Variants in KLF8 observed in about 807,000 individuals in gnomAD.
KLF8 encodes the protein Krueppel-like factor 8.
KLF8 carries 10 observed loss-of-function variants against 18.2 expected under a neutral mutation model. The observed-to-expected ratio is 0.55, with a 90% confidence interval of 0.34 to 0.93. The LOEUF is 0.93. KLF8 is among the 40% of genes least tolerant of loss of function. The pLI, the probability that KLF8 is intolerant of heterozygous loss-of-function variation, is 0.02. For missense variants in KLF8, 264 were observed against 277.9 expected (o/e 0.95, Z 0.36); for synonymous variants, 109 against 97.3 (o/e 1.12, Z -0.71).
the KLF8 span, among the ~76,000 whole-genome samples, chrX:56,083,019 G>A: frequency 9.0e-6 from 1 of 111,700 alleles, no homozygotes; most frequent in Non-Finnish European, 1.9e-5. Flanking sequence ...TTCTCCATCA[G>A]TTTAACTTAT....
At chrX:55,942,931 C>T in the KLF8 span, among the ~76,000 whole-genome samples, 2 of 111,472 alleles carry the variant, frequency 1.8e-5, no homozygotes, top group South Asian at 7.5e-4. Flanking sequence ...AGCATATCAG[C>T]ATGTTCTGTG....
At chrX:55,940,841 A>G in the KLF8 span, among the ~76,000 whole-genome samples, 1 of 111,826 alleles carries the variant, frequency 8.9e-6, no homozygotes, top group African/African-American at 3.3e-5. Flanking sequence ...CTCTTCAAGG[A>G]GAACTACAAA....
At chrX:56,205,577 G>A in the KLF8 span, among the ~76,000 whole-genome samples, 1 of 112,011 alleles carries the variant, frequency 8.9e-6, no homozygotes, top group Non-Finnish European at 1.9e-5. Flanking sequence ...GTTTGTTGAG[G>A]ATTTTTGCAT....
At chrX:56,161,613 C>T in the KLF8 span, among the ~76,000 whole-genome samples, 1 of 112,020 alleles carries the variant, frequency 8.9e-6, no homozygotes, top group Admixed American at 9.5e-5. Context: ...TGGTTTTCAG[C>T]TCCATGAGGT....
chrX:56,278,729 C>T (rs376728094), intron 5 of KLF8, among the ~76,000 whole-genome samples: 1 of 111,497 alleles, frequency 9.0e-6, no homozygotes, highest in East Asian at 2.8e-4. Flanking sequence ...CTAGGACTCA[C>T]CTAAGACTTG....
the KLF8 span, among the ~76,000 whole-genome samples, chrX:56,149,899 G>T: frequency 9.0e-6 from 1 of 110,809 alleles, no homozygotes; most frequent in African/African-American, 3.3e-5. Flanking sequence ...ATACCTTAGA[G>T]AAGCCTTTGC....
chrX:55,961,311 G>A, the KLF8 span: 84 of 411,370 alleles, frequency 2.0e-4, no homozygotes, highest in Middle Eastern at 2.5e-3. Flanking sequence ...GGACCTATGT[G>A]GAGATGGGAC....
At chrX:56,100,044 G>T in the KLF8 span, among the ~76,000 whole-genome samples, 3 of 111,497 alleles carry the variant, frequency 2.7e-5, no homozygotes, top group South Asian at 1.1e-3. Flanking sequence ...CTAGAGAAGA[G>T]AAGTCAATGC....
chrX:56,117,360 G>A, the KLF8 span, among the ~76,000 whole-genome samples: 1 of 111,809 alleles, frequency 8.9e-6, no homozygotes, highest in African/African-American at 3.3e-5. Context: ...GCTGAGTGCT[G>A]AGCAGGAGAT....
the KLF8 span, among the ~76,000 whole-genome samples, chrX:56,218,616 A>G: frequency 8.9e-6 from 1 of 112,381 alleles, no homozygotes; most frequent in Non-Finnish European, 1.9e-5. Context: ...AACCTAACAC[A>G]TGTTTACTGA....
At chrX:56,048,073 A>T in the KLF8 span, among the ~76,000 whole-genome samples, 1 of 111,707 alleles carries the variant, frequency 9.0e-6, no homozygotes, top group African/African-American at 3.3e-5. Flanking sequence ...TTCTTTTGAG[A>T]AGTGTCTGTT....
the KLF8 span, among the ~76,000 whole-genome samples, chrX:56,157,247 AG>A: frequency 2.8e-5 from 2 of 70,576 alleles, no homozygotes; most frequent in African/African-American, 5.3e-5. Context: ...GGGTGGAGGG[AG>A]GGGGGAGGGA....
chrX:56,194,738 G>A, the KLF8 span, among the ~76,000 whole-genome samples: 12 of 112,194 alleles, frequency 1.1e-4, no homozygotes, highest in Non-Finnish European at 1.7e-4. Context: ...CTTTGAGAAC[G>A]GACAGACTGC....
At chrX:56,074,228 T>C in the KLF8 span, among the ~76,000 whole-genome samples, 24 of 112,322 alleles carry the variant, frequency 2.1e-4, no homozygotes, top group Non-Finnish European at 4.1e-4. Context: ...ACCCTCTTTT[T>C]TGTAGATTGT....
chrX:56,237,135 TC>T (rs1311311889), intron 1 of KLF8, among the ~76,000 whole-genome samples: 2 of 60,381 alleles, frequency 3.3e-5, no homozygotes, highest in Admixed American at 4.4e-4. Context: ...GACCCCCCCA[TC>T]CCCCCCAAAA....
the KLF8 span, among the ~76,000 whole-genome samples, chrX:56,086,879 G>A: frequency 9.0e-6 from 1 of 111,263 alleles, no homozygotes; most frequent in Non-Finnish European, 1.9e-5. Context: ...TAAAGAACTG[G>A]GAGCATTCTA....
At chrX:56,155,683 G>A in the KLF8 span, among the ~76,000 whole-genome samples, 1 of 111,239 alleles carries the variant, frequency 9.0e-6, no homozygotes, top group Middle Eastern at 4.7e-3. Context: ...TTTTATTTTA[G>A]TTACAGGATG....
the KLF8 span, among the ~76,000 whole-genome samples, chrX:55,978,080 T>G: frequency 9.0e-6 from 1 of 110,768 alleles, no homozygotes; most frequent in East Asian, 2.8e-4. Flanking sequence ...TATATATAGA[T>G]ATACATGTAG....
chrX:56,260,265 T>C (rs2066865606), intron 2 of KLF8, among the ~76,000 whole-genome samples: 1 of 111,414 alleles, frequency 9.0e-6, no homozygotes, highest in African/African-American at 3.3e-5. Flanking sequence ...ACTCTGGGAA[T>C]TGAGGTGTAG....
Sources: allele counts gnomAD v4.1 joint callset (sites outside exome capture counted in the v4.1 genomes callset), GRCh38; gene constraint gnomAD v4.1.1; transcripts MANE v1.5; gene names NCBI Gene and HGNC (gene_info 2026-07-23, HGNC 2026-07-21).